The following POU2F3 variants were observed in gnomAD, a reference collection of about 807,000 sequenced individuals.
POU2F3 encodes the protein POU class 2 homeobox 3.
POU2F3 carries 23 observed loss-of-function variants against 59.2 expected under a neutral mutation model. The observed-to-expected ratio is 0.39, with a 90% CI of 0.28 to 0.55. The LOEUF is 0.55. Among genes scored for constraint, POU2F3 ranks in the 20% least tolerant of loss-of-function variants. The probability of loss-of-function intolerance (pLI) is 0.66; values close to 1 mark genes in which losing one functional copy is unlikely to be tolerated. For missense variants in POU2F3, 473 were observed against 544.5 expected (o/e 0.87, Z 1.31); for synonymous variants, 190 against 214.6 (o/e 0.89, Z 1.00).
At position 120,274,108 on chromosome 11, in the gene POU2F3, A is replaced by AAAGAAAGG. The variant is rs1555073792; in HGVS notation, c.132+4867_132+4868insAAAGGAAG. On this transcript the variant is annotated intron_variant, in intron 3 of 12. Transcript: ENST00000543440. ...GAAAGAAAGGAAGGAAGGAAGGAAG[A>AAAGAAAGG]AAGGAAGGAAGGAAGGAAGGAAGGA... Among the ~76,000 whole-genome samples the AAAGAAAGG allele has an allele frequency of 1.8e-4, 21 of 116,228 alleles. 1 individual carries two copies. The highest frequency in any genetic ancestry group is 3.2e-4 in the Non-Finnish European group (18 of 55,602). The allele number at this position is 116,228 out of a possible 152,430, so 76.3% of individuals were successfully genotyped here.
At chr11:120,314,096 A>G (rs1376314955) in intron 10 of POU2F3, among the ~76,000 whole-genome samples, 1 of 152,136 alleles carries the variant, frequency 6.6e-6, no homozygotes, top group Admixed American at 6.5e-5. Context: ...GATTATTGAT[A>G]ACATCTCTTA....
Position 120,315,440 on chromosome 11 carries a change from A to G in POU2F3, c.1135+13A>G, listed in dbSNP as rs773887161. On this transcript the variant is annotated intron_variant, in intron 11 of 12. Transcript: ENST00000543440. ...ATGCCTGGAACAGGTGAGCTTTAAA[A>G]TGAGATTTCTGAAGAACACCAGAAT... is the stretch of plus-strand genomic sequence containing the variant. The G allele has an allele frequency of 3.7e-6, 6 of 1,607,134 alleles. No homozygotes were observed. The highest frequency in any genetic ancestry group is 5.1e-6 in the Non-Finnish European group (6 of 1,173,658).
At chr11:120,288,130 AAAAAAAAAAAAAAAAAAAC>A (rs1284432575) in intron 3 of POU2F3, among the ~76,000 whole-genome samples, 1 of 144,758 alleles carries the variant, frequency 6.9e-6, no homozygotes, top group African/African-American at 2.5e-5. Context: ...AAAAAAACCA[AAAAAAAAAAAAAAAAAAAC>A]AAGAAAAAAG....
At position 120,240,290 on chromosome 11, in the gene POU2F3, G is replaced by C; in HGVS notation, c.-54G>C. On this transcript the variant is annotated 5_prime_UTR_variant, in exon 1 of 13. Coordinates refer to ENST00000543440, the MANE Select transcript of POU2F3 (RefSeq NM_014352.4). ...CCTGGCTTCGCAGGGGCCCCGGCTG[G>C]GGCAGAGGCGAGGGGCCTGGGGGGG... is the stretch of plus-strand genomic sequence containing the variant. 1 of 1,301,434 alleles carries C rather than the reference G, an allele frequency of 7.7e-7. No homozygotes were observed. Among genetic ancestry groups the C allele is most frequent in the East Asian group, 3.0e-5 (1 of 33,544 alleles). 80.6% of individuals were successfully genotyped at this position (1,301,434 alleles called of 1,614,324 possible).
upstream of POU2F3, among the ~76,000 whole-genome samples, chr11:120,238,314 T>C (rs1437291802): frequency 6.6e-6 from 1 of 151,670 alleles, no homozygotes; most frequent in Non-Finnish European, 1.5e-5. Flanking sequence ...GGAAGGGAGG[T>C]CCATGTGACT....
intron 3 of POU2F3, among the ~76,000 whole-genome samples, chr11:120,277,492 T>C (rs914028145): frequency 1.3e-5 from 2 of 151,770 alleles, no homozygotes; most frequent in African/African-American, 4.8e-5. Flanking sequence ...ATAGAAAACA[T>C]AGGCCAGGTG....
intron 5 of POU2F3, chr11:120,301,173 T>C (rs1262656243): frequency 1.6e-5 from 7 of 435,144 alleles, no homozygotes; most frequent in Non-Finnish European, 2.8e-5. Context: ...AGTCACTTAC[T>C]AACTGTGTGT....
chr11:120,292,947 T>C (rs1941073991), intron 3 of POU2F3, among the ~76,000 whole-genome samples: 1 of 152,238 alleles, frequency 6.6e-6, no homozygotes, highest in Non-Finnish European at 1.5e-5. Context: ...CAATGCTATG[T>C]CCTAAGAACT....
intron 2 of POU2F3, among the ~76,000 whole-genome samples, chr11:120,264,232 C>T (rs537286976): frequency 7.0e-6 from 1 of 143,424 alleles, no homozygotes; most frequent in East Asian, 2.3e-4. Flanking sequence ...CACACACACA[C>T]AATTAGCTGA....
In POU2F3 at chr11:120,305,208, C is replaced by T; in HGVS notation, c.623C>T (p.Thr208Ile). 6.2e-7 allele frequency: 1 copy of T among 1,613,498 alleles called. No individual in the cohort carries two copies. Among genetic ancestry groups the T allele is most frequent in the Non-Finnish European group, 8.5e-7 (1 of 1,179,812 alleles). Residue 208 changes from threonine (T) to isoleucine (I), a missense_variant, in exon 7 of 13, where the codon ACA (threonine) becomes ATA (isoleucine). Transcript: ENST00000543440. The part of the protein sequence containing the change: ...FKQRRIKLGF[T>I]QGDVGLAMGK... ...CAGAGGCGCATTAAGCTGGGCTTCACACAGGTTTGGTTTTAGGGGAAAAGA... is the reference window on the plus strand; with the variant it reads ...CAGAGGCGCATTAAGCTGGGCTTCATACAGGTTTGGTTTTAGGGGAAAAGA...
chr11:120,308,802 G>C, intron 9 of POU2F3, among the ~76,000 whole-genome samples: 1 of 151,690 alleles, frequency 6.6e-6, no homozygotes, highest in East Asian at 1.9e-4. Flanking sequence ...GCTGGGCGTG[G>C]TGATGTATGC....
At chr11:120,254,174 GC>G (rs1247559491) in intron 2 of POU2F3, 3 of 152,236 alleles carry the variant, frequency 2.0e-5, no homozygotes, top group Admixed American at 1.3e-4. Context: ...GTGGAAAAGT[GC>G]TGAAAAAGTG....
chr11:120,275,542 C>T (rs1056948620), intron 3 of POU2F3, among the ~76,000 whole-genome samples: 1 of 152,184 alleles, frequency 6.6e-6, no homozygotes, highest in Non-Finnish European at 1.5e-5. Flanking sequence ...CTGGAACCCT[C>T]ATCTTCCAGG....
chr11:120,301,359 A>C, intron 5 of POU2F3: 1 of 238,178 alleles, frequency 4.2e-6, no homozygotes, highest in Non-Finnish European at 8.4e-6. Flanking sequence ...AAGCCTCTCA[A>C]CTCCCAGTTC....
chr11:120,307,457 C>T lies in POU2F3; in HGVS notation c.770-22C>T, dbSNP rs780974590. On this transcript the variant is annotated intron_variant, in intron 8 of 12. Coordinates refer to ENST00000543440, the MANE Select transcript of POU2F3 (RefSeq NM_014352.4). Reference sequence around the variant, plus strand: ...ACTCATCCCCTTCTCTGAGCTTCCTCTGGTCCTTCGTGTCCCTGCAGAGTC... The same window carrying T: ...ACTCATCCCCTTCTCTGAGCTTCCTTTGGTCCTTCGTGTCCCTGCAGAGTC... 3.7e-6 allele frequency: 6 copies of T among 1,613,160 alleles called. No individual in the cohort carries two copies. In the Admixed American group the frequency reaches 8.3e-5, roughly 22 times the overall value.
upstream of POU2F3, chr11:120,236,649 G>T (rs868315403): frequency 2.7e-6 from 4 of 1,481,758 alleles, no homozygotes; most frequent in Non-Finnish European, 3.6e-6. Flanking sequence ...TCTCACTCCA[G>T]CCCAGAGCTC....
chr11:120,236,742 T>A (rs116432385), upstream of POU2F3: 8 of 1,444,440 alleles, frequency 5.5e-6, no homozygotes, highest in East Asian at 2.0e-4. Flanking sequence ...TTCTAGCTCA[T>A]CTAACTGAAA....
At chr11:120,257,577 C>T (rs1336019033) in intron 2 of POU2F3, among the ~76,000 whole-genome samples, 1 of 152,112 alleles carries the variant, frequency 6.6e-6, no homozygotes, top group African/African-American at 2.4e-5. Flanking sequence ...GCACCTTTCC[C>T]CTGCACTCCA....
In POU2F3 at chr11:120,240,308, T is replaced by TG. The variant is rs756729035; in HGVS notation, c.-29dup. On this transcript the variant is annotated 5_prime_UTR_variant, in exon 1 of 13. Transcript: ENST00000543440. ...CCGGCTGGGGCAGAGGCGAGGGGCC[T>TG]GGGGGGGCGCTGGCTTTGGCCCCGC... is the stretch of plus-strand genomic sequence containing the variant. The TG allele has an allele frequency of 2.7e-5, 36 of 1,355,510 alleles. No homozygotes were observed. Among genetic ancestry groups the TG allele is most frequent in the South Asian group, 1.1e-4 (5 of 45,612 alleles). The allele number at this position is 1,355,510 out of a possible 1,614,324, so 84.0% of individuals were successfully genotyped here. A position where few individuals can be genotyped will look rare whatever the true frequency, so the allele number is the denominator to read the frequency against.
Sources: allele counts gnomAD v4.1 joint callset (sites outside exome capture counted in the v4.1 genomes callset), GRCh38; gene constraint gnomAD v4.1.1; transcripts MANE v1.5; gene names NCBI Gene and HGNC (gene_info 2026-07-23, HGNC 2026-07-21).